Variants in C14orf132 observed in about 807,000 individuals in gnomAD.
The protein encoded by C14orf132 is uncharacterized protein C14orf132.
In C14orf132, 6 loss-of-function variants were observed where a neutral mutation model predicts 5.8. The ratio of observed to expected loss-of-function variants is 1.03; its 90% CI spans 0.57 to 2.04. The LOEUF (loss-of-function observed/expected upper bound fraction) is 2.04. Ranked by LOEUF, C14orf132 falls within the 30% of genes most tolerant of loss-of-function variation. C14orf132 has a pLI of 0.00. For synonymous variants in C14orf132, 51 were observed against 49.8 expected (o/e 1.02, Z -0.10); for missense variants, 125 against 115.8 (o/e 1.08, Z -0.37).
intron 1 of C14orf132, among the ~76,000 whole-genome samples, chr14:96,049,600 G>GTATATATGTATATATATACGTA (rs1566823821): frequency 9.2e-6 from 1 of 108,132 alleles, no homozygotes; most frequent in African/African-American, 3.8e-5. Context: ...ACATATATAC[G>GTATATATGTATATATATACGTA]TATATATATA....
Position 96,087,207 on chromosome 14 carries a change from C to T in C14orf132, c.*472C>T, listed in dbSNP as rs1243263032. On this transcript the variant is annotated 3_prime_UTR_variant, in exon 2 of 2. Transcript: ENST00000555004. ...ACCCAATTCTGGTTTCACATTCAGT[C>T]CCTTGGCCATCTAGTAGGGCCATTG... 1 of 166,122 alleles carries T rather than the reference C, an allele frequency of 6.0e-6. No individual in the cohort carries two copies. The highest frequency in any genetic ancestry group is 2.4e-5 in the African/African-American group (1 of 41,390). 10.3% of individuals were successfully genotyped at this position (166,122 alleles called of 1,614,324 possible). A position where few individuals can be genotyped will look rare whatever the true frequency, so the allele number is the denominator to read the frequency against.
chr14:96,068,987 G>A (rs1362215225), intron 1 of C14orf132, among the ~76,000 whole-genome samples: 1 of 151,826 alleles, frequency 6.6e-6, no homozygotes, highest in African/African-American at 2.4e-5. Context: ...CTTCAGCTGA[G>A]ACATTGGTCT....
chr14:96,047,794 G>A (rs2139644441), intron 1 of C14orf132, among the ~76,000 whole-genome samples: 1 of 152,262 alleles, frequency 6.6e-6, no homozygotes, highest in African/African-American at 2.4e-5. Flanking sequence ...TTTCTCAGAT[G>A]CCCCTCTGCC....
At chr14:96,072,321 T>C (rs1337096541) in intron 1 of C14orf132, among the ~76,000 whole-genome samples, 1 of 152,100 alleles carries the variant, frequency 6.6e-6, no homozygotes, top group Admixed American at 6.5e-5. Context: ...GAGGCAGATG[T>C]GGTTTGGGGT....
chr14:96,046,945 A>G (rs1270481878), intron 1 of C14orf132, among the ~76,000 whole-genome samples: 1 of 152,234 alleles, frequency 6.6e-6, no homozygotes, highest in African/African-American at 2.4e-5. Flanking sequence ...ATATGCAAGA[A>G]ACTAGCAGAA....
intron 1 of C14orf132, among the ~76,000 whole-genome samples, chr14:96,057,296 G>C (rs778311027): frequency 1.3e-5 from 2 of 152,190 alleles, no homozygotes; most frequent in Non-Finnish European, 2.9e-5. Flanking sequence ...CCTCACTCCA[G>C]AGGGTGCAGC....
rs1195900133 is a variant in C14orf132 at position 96,039,637 on chromosome 14, G to A, written c.27+110G>A. The A allele has an allele frequency of 3.1e-5, 36 of 1,157,826 alleles. No individual in the cohort carries two copies. The highest frequency in any genetic ancestry group is 4.1e-5 in the Non-Finnish European group (36 of 873,538). The allele number at this position is 1,157,826 out of a possible 1,614,324, so 71.7% of individuals were successfully genotyped here. On this transcript the variant is annotated intron_variant, in intron 1 of 1. Coordinates refer to ENST00000555004, the MANE Select transcript of C14orf132 (RefSeq NM_001252507.3). The surrounding 1 kb of genome is among the most constrained non-coding windows in gnomAD (Gnocchi z 5.3). Reference sequence around the variant, plus strand: ...GGGCAGTGGCGCCCGCCCGCGATCCGCGTCCCGGTCCTTTGTCCCGAGCCG... The same window carrying A: ...GGGCAGTGGCGCCCGCCCGCGATCCACGTCCCGGTCCTTTGTCCCGAGCCG...
chr14:96,080,333 A>T (rs1887991800), intron 1 of C14orf132, among the ~76,000 whole-genome samples: 1 of 152,178 alleles, frequency 6.6e-6, no homozygotes, highest in Non-Finnish European at 1.5e-5. Flanking sequence ...ACCCCCACAC[A>T]AATTTAACTT....
intron 1 of C14orf132, among the ~76,000 whole-genome samples, chr14:96,081,474 C>G (rs756633892): frequency 2.6e-5 from 4 of 152,178 alleles, no homozygotes; most frequent in Admixed American, 6.5e-5. Context: ...CATTCATTTA[C>G]CAAATATTTT....
intron 1 of C14orf132, among the ~76,000 whole-genome samples, chr14:96,068,174 G>A (rs753561603): frequency 4.6e-5 from 7 of 152,194 alleles, no homozygotes; most frequent in Non-Finnish European, 8.8e-5. Context: ...CTGCGTGGGC[G>A]AACAGCACAG....
intron 1 of C14orf132, among the ~76,000 whole-genome samples, chr14:96,073,109 T>A (rs1887758931): frequency 6.6e-6 from 1 of 152,124 alleles, no homozygotes; most frequent in South Asian, 2.1e-4. Flanking sequence ...GTACAAGAGT[T>A]CTGGTTGCTC....
At chr14:96,073,754 C>T (rs1211220456) in intron 1 of C14orf132, among the ~76,000 whole-genome samples, 1 of 152,160 alleles carries the variant, frequency 6.6e-6, no homozygotes, top group Non-Finnish European at 1.5e-5. Context: ...TTCATTGCAG[C>T]ACTATTCACA....
intron 1 of C14orf132, among the ~76,000 whole-genome samples, chr14:96,071,870 G>A (rs61985261): frequency 1.6e-4 from 24 of 152,232 alleles, no homozygotes; most frequent in Admixed American, 3.9e-4. Flanking sequence ...CTGGGCCTTC[G>A]TCACAAAGGA....
chr14:96,074,179 C>G (rs974958147), intron 1 of C14orf132, among the ~76,000 whole-genome samples: 2 of 152,158 alleles, frequency 1.3e-5, no homozygotes, highest in Non-Finnish European at 2.9e-5. Context: ...GACCCCAGAA[C>G]TTGAAATAGA....
chr14:96,049,600 G>GTATATATATACATA (rs1566823823), intron 1 of C14orf132, among the ~76,000 whole-genome samples: 6 of 108,128 alleles, frequency 5.5e-5, no homozygotes, highest in African/African-American at 2.3e-4. Flanking sequence ...ACATATATAC[G>GTATATATATACATA]TATATATATA....
At chr14:96,050,387 G>T (rs1217599802) in intron 1 of C14orf132, among the ~76,000 whole-genome samples, 5 of 152,156 alleles carry the variant, frequency 3.3e-5, no homozygotes, top group Admixed American at 3.3e-4. Flanking sequence ...CCTGCTCAGT[G>T]TCTCATAAAT....
chr14:96,064,209 T>C (rs1418294729), intron 1 of C14orf132, among the ~76,000 whole-genome samples: 2 of 151,986 alleles, frequency 1.3e-5, no homozygotes, highest in African/African-American at 2.4e-5. Flanking sequence ...GCAATCCCAG[T>C]ACTGTGTATC....
chr14:96,072,238 A>G (rs1325109559), intron 1 of C14orf132, among the ~76,000 whole-genome samples: 3 of 152,176 alleles, frequency 2.0e-5, no homozygotes, highest in Non-Finnish European at 4.4e-5. Context: ...AGGTCCACTG[A>G]GTCTCGATTT....
At position 96,090,549 on chromosome 14, in the gene C14orf132, T is replaced by C. The variant is rs1214762787; in HGVS notation, c.*3814T>C. On this transcript the variant is annotated 3_prime_UTR_variant, in exon 2 of 2. Coordinates refer to ENST00000555004, the MANE Select transcript of C14orf132 (RefSeq NM_001252507.3). ...GCTTCCAGGGACCCAGGCAGGATGA[T>C]GGCGCAGCTCTTCCTACTCCAAGCC... The C allele has an allele frequency of 2.2e-6, 1 of 453,088 alleles. No homozygotes were observed. The highest frequency in any genetic ancestry group is 4.4e-6 in the Non-Finnish European group (1 of 224,766). The allele number at this position is 453,088 out of a possible 1,614,324, so 28.1% of individuals were successfully genotyped here. A position where few individuals can be genotyped will look rare whatever the true frequency, so the allele number is the denominator to read the frequency against.
Sources: gnomAD v4.1 joint callset for allele counts (sites outside exome capture counted in the v4.1 genomes callset) on GRCh38, gnomAD v4.1.1 for gene constraint, Gnocchi (gnomAD v3.1) non-coding constraint, MANE v1.5 for transcripts, NCBI Gene and HGNC (gene_info 2026-07-23, HGNC 2026-07-21) for gene names.